AFG2A: variants seen among roughly 807,000 people sequenced by gnomAD.
AFG2A encodes AAA ATPase AFG2A.
At chr4:123,291,865 A>G in the AFG2A span, among the ~76,000 whole-genome samples, 1 of 152,306 alleles carries the variant, frequency 6.6e-6, no homozygotes, top group South Asian at 2.1e-4. Context: ...CCATTTTGCA[A>G]TGAATCTCCT....
chr4:123,131,999 A>T, the AFG2A span, among the ~76,000 whole-genome samples: 3 of 127,714 alleles, frequency 2.3e-5, no homozygotes, highest in Non-Finnish European at 5.6e-5. Context: ...GATAGTATGT[A>T]TCCTAATGGG....
At chr4:123,211,074 C>A in the AFG2A span, among the ~76,000 whole-genome samples, 1 of 152,064 alleles carries the variant, frequency 6.6e-6, no homozygotes, top group East Asian at 1.9e-4. Flanking sequence ...TTCTCAATGT[C>A]TCCAAAGAGT....
At chr4:123,021,801 A>G in the AFG2A span, among the ~76,000 whole-genome samples, 4 of 152,356 alleles carry the variant, frequency 2.6e-5, no homozygotes, top group East Asian at 5.8e-4. Flanking sequence ...ATGGAATGCC[A>G]GTAACCAAAA....
the AFG2A span, among the ~76,000 whole-genome samples, chr4:123,294,727 C>T: frequency 1.3e-5 from 2 of 152,062 alleles, no homozygotes; most frequent in Non-Finnish European, 2.9e-5. Context: ...CCAACCTGAG[C>T]TAAAGATGAA....
the AFG2A span, among the ~76,000 whole-genome samples, chr4:123,005,774 A>G: frequency 1.3e-5 from 2 of 152,286 alleles, no homozygotes; most frequent in Admixed American, 1.3e-4. Flanking sequence ...TTACTATACC[A>G]TGTGTACAGT....
At chr4:123,008,061 G>A in the AFG2A span, among the ~76,000 whole-genome samples, 1 of 152,120 alleles carries the variant, frequency 6.6e-6, no homozygotes, top group African/African-American at 2.4e-5. Context: ...TGCTATAGAG[G>A]AATGCCTCAG....
chr4:123,064,551 G>A, the AFG2A span, among the ~76,000 whole-genome samples: 1 of 152,186 alleles, frequency 6.6e-6, no homozygotes, highest in East Asian at 1.9e-4. Flanking sequence ...GTGGTGAGTA[G>A]AGCAAACTGG....
the AFG2A span, among the ~76,000 whole-genome samples, chr4:122,980,805 G>A: frequency 6.6e-6 from 1 of 151,690 alleles, no homozygotes; most frequent in East Asian, 1.9e-4. Flanking sequence ...TTTAACAAAT[G>A]TTACTCAGAT....
At chr4:123,004,465 T>C in the AFG2A span, among the ~76,000 whole-genome samples, 1 of 152,200 alleles carries the variant, frequency 6.6e-6, no homozygotes, top group Non-Finnish European at 1.5e-5. Flanking sequence ...CTCCCCACTA[T>C]TTTGAATGTT....
the AFG2A span, chr4:123,318,779 G>GTTTGTGTGTGATCGAATACAT: frequency 1.5e-5 from 1 of 67,626 alleles, no homozygotes; most frequent in African/African-American, 3.3e-5. Flanking sequence ...AAAAAAAAGG[G>GTTTGTGTGTGATCGAATACAT]GGGAACAGTG....
chr4:123,118,938 T>A, the AFG2A span, among the ~76,000 whole-genome samples: 1 of 152,170 alleles, frequency 6.6e-6, no homozygotes, highest in Non-Finnish European at 1.5e-5. Context: ...AGTCTGCTCA[T>A]TGGAGCTCTG....
chr4:122,954,994 G>A, the AFG2A span, among the ~76,000 whole-genome samples: 598 of 152,208 alleles, frequency 3.9e-3, 2 homozygotes, highest in African/African-American at 0.013. Flanking sequence ...TTACGGTCTC[G>A]GTGCTCATGA....
At chr4:123,055,869 G>A in the AFG2A span, among the ~76,000 whole-genome samples, 1 of 152,318 alleles carries the variant, frequency 6.6e-6, no homozygotes, top group African/African-American at 2.4e-5. Context: ...TTCTTGTGGT[G>A]ACTGTTTATC....
At chr4:123,244,516 T>C in the AFG2A span, among the ~76,000 whole-genome samples, 95,613 of 152,078 alleles carry the variant, frequency 0.63, 30,923 homozygotes, top group Admixed American at 0.69. Flanking sequence ...CCGTTCAAGT[T>C]ACATTGTATA....
At chr4:123,231,043 A>T in the AFG2A span, among the ~76,000 whole-genome samples, 2 of 152,014 alleles carry the variant, frequency 1.3e-5, no homozygotes, top group Non-Finnish European at 2.9e-5. Context: ...TAAGAGCCCT[A>T]GGATTTTCAG....
the AFG2A span, among the ~76,000 whole-genome samples, chr4:123,157,270 C>T: frequency 6.6e-6 from 1 of 152,026 alleles, no homozygotes; most frequent in African/African-American, 2.4e-5. Flanking sequence ...GTGATCCACC[C>T]ACCTTGGCCT....
chr4:123,289,928 A>G, the AFG2A span, among the ~76,000 whole-genome samples: 1 of 151,968 alleles, frequency 6.6e-6, no homozygotes, highest in African/African-American at 2.4e-5. Flanking sequence ...AACATATGCC[A>G]TGGTGGTTTG....
chr4:122,965,456 T>C, the AFG2A span, among the ~76,000 whole-genome samples: 1 of 152,224 alleles, frequency 6.6e-6, no homozygotes, highest in Admixed American at 6.5e-5. Flanking sequence ...AAGTCATACG[T>C]TGGAAACAGT....
chr4:123,101,865 G>T, the AFG2A span, among the ~76,000 whole-genome samples: 17 of 151,872 alleles, frequency 1.1e-4, no homozygotes, highest in Non-Finnish European at 2.2e-4. Flanking sequence ...TGATAGGAAA[G>T]CTCAAAACTA....
Sources: allele counts gnomAD v4.1 joint callset (sites outside exome capture counted in the v4.1 genomes callset), GRCh38; gene constraint gnomAD v4.1.1; transcripts MANE v1.5; gene names NCBI Gene and HGNC (gene_info 2026-07-23, HGNC 2026-07-21).